Variants in CARD10 observed in about 807,000 individuals in gnomAD.
CARD10 encodes the protein caspase recruitment domain family member 10.
A neutral mutation model predicts 114.6 loss-of-function variants in CARD10; 49 were observed. The ratio of observed to expected loss-of-function variants is 0.43; its 90% confidence interval spans 0.34 to 0.54. The LOEUF is 0.54. CARD10 is among the 20% of genes least tolerant of loss of function. CARD10 has a pLI of 0.03. For synonymous variants in CARD10, 602 were observed against 593.2 expected (o/e 1.01, Z -0.21); for missense variants, 1,206 against 1,397.2 (o/e 0.86, Z 2.18).
intron 3 of CARD10, among the ~76,000 whole-genome samples, chr22:37,510,898 A>T (rs1206533761): frequency 6.6e-6 from 1 of 152,100 alleles, no homozygotes; most frequent in Admixed American, 6.5e-5. Flanking sequence ...CCTGACCAAC[A>T]TGGTGAAACC....
At chr22:37,498,376 C>T (rs1923083090) in intron 11 of CARD10, among the ~76,000 whole-genome samples, 1 of 152,202 alleles carries the variant, frequency 6.6e-6, no homozygotes, top group South Asian at 2.1e-4. Context: ...GGCCTTGTGG[C>T]CAGGCTCAGA....
intron 3 of CARD10, among the ~76,000 whole-genome samples, chr22:37,511,579 C>T (rs1358707483): frequency 1.3e-5 from 2 of 150,058 alleles, no homozygotes; most frequent in African/African-American, 2.5e-5. Flanking sequence ...AGCTCCGTCT[C>T]TAGCTCAGTG....
At chr22:37,513,019 C>T (rs544991617) in intron 3 of CARD10, among the ~76,000 whole-genome samples, 2 of 152,312 alleles carry the variant, frequency 1.3e-5, no homozygotes, top group South Asian at 2.1e-4. Context: ...GATCCATCTG[C>T]AACACCTTTG....
At chr22:37,512,970 G>T (rs1051435584) in intron 3 of CARD10, among the ~76,000 whole-genome samples, 1 of 152,206 alleles carries the variant, frequency 6.6e-6, no homozygotes, top group Non-Finnish European at 1.5e-5. Flanking sequence ...AGGTGGGGAT[G>T]CAAGCCGCCA....
Position 37,519,094 on chromosome 22 carries a change from T to A in CARD10, c.107A>T (p.His36Leu). ...ALWERIEGVR[H>L]RLARALNPAK... ...CGGGTTCAGGGCGCGAGCCAGCCGA[T>A]GCCGGACGCCCTCGATTCGCTCCCA... The change falls in exon 1 of 20, where the codon CAT (histidine) becomes CTT (leucine). Residue 36 changes from histidine to leucine, a missense_variant. His to Leu is a moderately conservative substitution (Grantham distance 99). This residue lies in a region of CARD10 where 138 missense variants were observed against 218.0 expected (regional missense o/e 0.63). Transcript: ENST00000251973. This position sits in a 1 kb window ranked among gnomAD's most constrained non-coding sequence, Gnocchi z 4.1. 6.3e-7 allele frequency: 1 copy of A among 1,591,176 alleles called. No individual in the cohort carries two copies. Among genetic ancestry groups the A allele is most frequent in the Non-Finnish European group, 8.5e-7 (1 of 1,175,842 alleles).
rs781345473 is a variant in CARD10, at chr22:37,508,519, G to A, written c.1065+8C>T. 3.8e-6 allele frequency: 6 copies of A among 1,585,924 alleles called. No homozygotes were observed. The highest frequency in any genetic ancestry group is 4.3e-6 in the Non-Finnish European group (5 of 1,172,764). ...CGCACAAGGGGCAGGGCACGGGCAG[G>A]GCCCCACCTGGTCGCGCAGCTCCTC... On this transcript the variant is annotated splice_region_variant and intron_variant, in intron 5 of 19. Transcript: ENST00000251973.
chr22:37,500,156 G>A (rs1473378143), intron 11 of CARD10, among the ~76,000 whole-genome samples: 1 of 152,236 alleles, frequency 6.6e-6, no homozygotes, highest in Admixed American at 6.5e-5. Flanking sequence ...GATCACCTCA[G>A]TCAATCCTCC....
intron 11 of CARD10, among the ~76,000 whole-genome samples, chr22:37,499,213 T>C (rs893840648): frequency 3.9e-5 from 6 of 151,908 alleles, no homozygotes; most frequent in Non-Finnish European, 8.8e-5. Context: ...CAGCAGGAAC[T>C]CTGGGGTCAA....
chr22:37,516,367 G>A (rs1215224462), intron 2 of CARD10, 69 bp from the exon 3 acceptor site: 4 of 1,160,328 alleles, frequency 3.4e-6, no homozygotes, highest in African/African-American at 1.5e-5. Flanking sequence ...AACATACTGT[G>A]TCAAAAAACT....
In CARD10 at chr22:37,501,946, A is replaced by G. The variant is rs747142555; in HGVS notation, c.1787+656T>C. 6.6e-6 allele frequency among the ~76,000 whole-genome samples: 1 copy of G among 151,786 alleles called. No individual in the cohort carries two copies. Among genetic ancestry groups the G allele is most frequent in the Non-Finnish European group, 1.5e-5 (1 of 67,942 alleles). On this transcript the variant is annotated intron_variant, in intron 11 of 19. Transcript: ENST00000251973. The surrounding 1 kb of genome is among the most constrained non-coding windows in gnomAD (Gnocchi z 5.4). ...TCCACAGTCACCGGATGCTCTCCCT[A>G]CCTGCCCTCTCCTCACAGCTGAGTT...
chr22:37,491,508 G>C, intron 19 of CARD10, 115 bp from the exon 20 acceptor site: 1 of 630,858 alleles, frequency 1.6e-6, no homozygotes, highest in Non-Finnish European at 2.4e-6. Context: ...GACAACCAAA[G>C]AGAGACAGAT....
chr22:37,494,756 C>T (rs1290120786), intron 15 of CARD10, among the ~76,000 whole-genome samples: 1 of 152,168 alleles, frequency 6.6e-6, no homozygotes, highest in Non-Finnish European at 1.5e-5. Flanking sequence ...AGGAAACAAG[C>T]CTCAAGGAAG....
At chr22:37,498,265 C>G (rs1191322261) in intron 11 of CARD10, among the ~76,000 whole-genome samples, 1 of 152,156 alleles carries the variant, frequency 6.6e-6, no homozygotes, top group Admixed American at 6.5e-5. Flanking sequence ...ACAGAGGCGT[C>G]TGGTTTTCCT....
chr22:37,497,404 G>C (rs925891254), intron 11 of CARD10, among the ~76,000 whole-genome samples: 1 of 152,114 alleles, frequency 6.6e-6, no homozygotes, highest in Non-Finnish European at 1.5e-5. Flanking sequence ...CTGGGCACAC[G>C]GTGCAGTGGA....
rs1923228084 is a variant in CARD10, at chr22:37,501,899, C to T, written c.1787+703G>A. Among the ~76,000 whole-genome samples the T allele has an allele frequency of 6.6e-6, 1 of 152,184 alleles. No homozygotes were observed. The highest frequency in any genetic ancestry group is 2.1e-4 in the South Asian group (1 of 4,832). On this transcript the variant is annotated intron_variant, in intron 11 of 19. Coordinates refer to ENST00000251973, the MANE Select transcript of CARD10 (RefSeq NM_014550.4). The surrounding 1 kb of genome is among the most constrained non-coding windows in gnomAD (Gnocchi z 5.4). Reference sequence around the variant, plus strand: ...GCCTGACTCAGGAAGCCTTGACTTTCGCCCTTCCCCCTCGCTCCTCCTCCA... The same window carrying T: ...GCCTGACTCAGGAAGCCTTGACTTTTGCCCTTCCCCCTCGCTCCTCCTCCA...
chr22:37,497,171 C>T lies in CARD10; in HGVS notation c.1795G>A (p.Ala599Thr). Residue 599 changes from alanine to threonine, a missense_variant, in exon 12 of 20, where the codon GCT becomes ACT. This residue lies in a region of CARD10 where 1,068 missense variants were observed against 1,179.1 expected (regional missense o/e 0.91). Coordinates refer to ENST00000251973, the MANE Select transcript of CARD10 (RefSeq NM_014550.4). Reference sequence around the variant, plus strand: ...GGGCTCCGGCCAGACACCCGAATAGCCAGAGACCTGAGAAGGGAGAAAGGA... The same window carrying T: ...GGGCTCCGGCCAGACACCCGAATAGTCAGAGACCTGAGAAGGGAGAAAGGA... ...CGLDFLNRSL[A>T]IRVSGRSPPG... 6.2e-7 allele frequency: 1 copy of T among 1,612,678 alleles called. No individual in the cohort carries two copies. Among genetic ancestry groups the T allele is most frequent in the Non-Finnish European group, 8.5e-7 (1 of 1,179,456 alleles).
In CARD10 at chr22:37,491,193, C is replaced by T; in HGVS notation, c.3065G>A (p.Ser1022Asn). Residue 1022 changes from serine (S) to asparagine (N), a missense_variant, in exon 20 of 20, where the codon AGC becomes AAC. Ser to Asn is a conservative substitution (Grantham distance 46, BLOSUM62 1). Coordinates refer to ENST00000251973, the MANE Select transcript of CARD10 (RefSeq NM_014550.4). ...QARLVWVECG[S>N]SRGCPSSSEA ...ACTGCTGCTGGGGCAGCCTCTGCTG[C>T]TGCCGCACTCCACCCACACGAGGCG... 2 of 1,573,718 alleles carry T rather than the reference C, an allele frequency of 1.3e-6. No homozygotes were observed. Among genetic ancestry groups the T allele is most frequent in the East Asian group, 2.3e-5 (1 of 43,066 alleles).
chr22:37,517,935 G>T lies in CARD10; in HGVS notation c.373+36C>A, dbSNP rs201437374. 1.3e-4 allele frequency: 210 copies of T among 1,602,942 alleles called. No individual in the cohort carries two copies. The African/African-American group carries it at 2.6e-3, about 20-fold the overall frequency. On this transcript the variant is annotated intron_variant, in intron 2 of 19. Transcript: ENST00000251973. ...TGGGGAAAGGAGCCTGTGCACTGGAGTCCGAGGTGCCAGCATCCACCGCAG... is the reference window on the plus strand; with the variant it reads ...TGGGGAAAGGAGCCTGTGCACTGGATTCCGAGGTGCCAGCATCCACCGCAG...
At chr22:37,497,297 G>C (rs994800129) in intron 11 of CARD10, 119 bp from the exon 12 acceptor site, 2 of 1,005,478 alleles carry the variant, frequency 2.0e-6, no homozygotes, top group African/African-American at 3.3e-5. Context: ...CCACCCCCAG[G>C]CCTCTCCATC....
Sources: gnomAD v4.1 joint callset for allele counts (sites outside exome capture counted in the v4.1 genomes callset) on GRCh38, gnomAD v4.1.1 for gene constraint, gnomAD v4.1.1 regional missense constraint, Gnocchi (gnomAD v3.1) non-coding constraint, MANE v1.5 for transcripts, NCBI Gene and HGNC (gene_info 2026-07-23, HGNC 2026-07-21) for gene names.